The following PRKN variants were observed in gnomAD, a reference collection of about 807,000 sequenced individuals.
PRKN encodes the protein E3 ubiquitin-protein ligase parkin.
A neutral mutation model predicts 59.5 loss-of-function variants in PRKN; 56 were observed. That is an observed-to-expected ratio of 0.94 (90% CI 0.76 to 1.18). PRKN has a LOEUF of 1.18. Ranked by LOEUF, PRKN falls within the 50% of genes most tolerant of loss-of-function variation. PRKN has a pLI of 0.00. For missense variants in PRKN, 657 were observed against 596.4 expected (o/e 1.10, Z -1.06); for synonymous variants, 250 against 222.1 (o/e 1.13, Z -1.12).
intron 2 of PRKN, among the ~76,000 whole-genome samples, chr6:162,263,667 C>A (rs1438006891): frequency 6.6e-6 from 1 of 152,194 alleles, no homozygotes; most frequent in African/African-American, 2.4e-5. Context: ...ATATCTACTA[C>A]ATAGGGCCGG....
intron 7 of PRKN, among the ~76,000 whole-genome samples, chr6:161,569,666 C>G (rs1241233545): frequency 6.6e-6 from 1 of 152,184 alleles, no homozygotes; most frequent in Non-Finnish European, 1.5e-5. Context: ...CTTTCTCTCC[C>G]CTCTGATTAT....
rs1784659273 is a variant in PRKN at position 161,353,978 on chromosome 6, A to G, written c.1286-3767T>C. On this transcript the variant is annotated intron_variant, in intron 11 of 11. Transcript: ENST00000366898. This position sits in a 1 kb window ranked among gnomAD's most constrained non-coding sequence, Gnocchi z 4.8. ...CTGACTGTTGTTATTGAATGAGAGA[A>G]TAGAAGAAGCATGTTGTTTGTTCTA... Among the ~76,000 whole-genome samples, 1 of 152,220 alleles carries G rather than the reference A, an allele frequency of 6.6e-6. No individual in the cohort carries two copies. The highest frequency in any genetic ancestry group is 2.4e-5 in the African/African-American group (1 of 41,460).
chr6:162,313,639 C>A (rs774198220), intron 2 of PRKN, among the ~76,000 whole-genome samples: 1 of 152,216 alleles, frequency 6.6e-6, no homozygotes, highest in African/African-American at 2.4e-5. Flanking sequence ...AGGCGCGTAC[C>A]ATCATGCCCG....
chr6:162,578,668 T>C (rs997632506), intron 1 of PRKN, among the ~76,000 whole-genome samples: 4 of 152,218 alleles, frequency 2.6e-5, no homozygotes, highest in African/African-American at 7.2e-5. Flanking sequence ...TTTCAAATGG[T>C]TTCAATACAA....
At chr6:161,808,825 G>A (rs1791442785) in intron 6 of PRKN, among the ~76,000 whole-genome samples, 1 of 151,840 alleles carries the variant, frequency 6.6e-6, no homozygotes, top group Admixed American at 6.6e-5. Context: ...GTCATATTCT[G>A]GTATTTTGTT....
chr6:161,723,736 G>T (rs1173642511), intron 7 of PRKN, among the ~76,000 whole-genome samples: 1 of 152,176 alleles, frequency 6.6e-6, no homozygotes, highest in Non-Finnish European at 1.5e-5. Flanking sequence ...AGAAAGTGGA[G>T]CCACAGATCT....
chr6:161,452,981 C>A (rs1789807030), intron 9 of PRKN, among the ~76,000 whole-genome samples: 1 of 152,086 alleles, frequency 6.6e-6, no homozygotes, highest in African/African-American at 2.4e-5. Flanking sequence ...ATCTCAAGGT[C>A]ACGTCAGGCT....
intron 4 of PRKN, among the ~76,000 whole-genome samples, chr6:162,115,287 T>C (rs1023616666): frequency 3.3e-5 from 5 of 151,086 alleles, no homozygotes; most frequent in Non-Finnish European, 5.9e-5. Flanking sequence ...TAGGTGGGAA[T>C]TGAATAATGA....
chr6:161,364,662 G>A (rs993878542), intron 10 of PRKN, among the ~76,000 whole-genome samples: 28 of 151,788 alleles, frequency 1.8e-4, no homozygotes, highest in African/African-American at 5.8e-4. Flanking sequence ...AAAAATCCAA[G>A]TAGGCTGTGT....
intron 5 of PRKN, among the ~76,000 whole-genome samples, chr6:162,047,826 A>T (rs1215289776): frequency 1.3e-5 from 2 of 152,178 alleles, no homozygotes; most frequent in African/African-American, 4.8e-5. Flanking sequence ...AACAACATGA[A>T]ATCAGAGGTG....
chr6:162,701,824 CACAT>C lies in PRKN; in HGVS notation c.7+25834_7+25837del, dbSNP rs1778161773. On this transcript the variant is annotated intron_variant, in intron 1 of 11. Transcript: ENST00000366898. ...TCCAATAGGAACACACACACACATT[CACAT>C]ACATACACACACACACACACACTCA... Among the ~76,000 whole-genome samples, 5 of 74,970 alleles carry C rather than the reference CACAT, an allele frequency of 6.7e-5. No homozygotes were observed. In the South Asian group the frequency reaches 1.6e-3, roughly 24 times the overall value. The allele number at this position is 74,970 out of a possible 152,430, so 49.2% of individuals were successfully genotyped here.
intron 6 of PRKN, among the ~76,000 whole-genome samples, chr6:161,958,382 G>C (rs1026647495): frequency 1.3e-5 from 2 of 152,042 alleles, no homozygotes; most frequent in Non-Finnish European, 2.9e-5. Context: ...TTTTCTTTAA[G>C]ATACATTTTG....
intron 1 of PRKN, among the ~76,000 whole-genome samples, chr6:162,678,185 T>G (rs1779624080): frequency 6.6e-6 from 1 of 152,254 alleles, no homozygotes; most frequent in Non-Finnish European, 1.5e-5. Context: ...TACACCAATT[T>G]GTATAACCAT....
chr6:161,474,176 C>T (rs1365561117), intron 9 of PRKN, among the ~76,000 whole-genome samples: 1 of 152,142 alleles, frequency 6.6e-6, no homozygotes, highest in Non-Finnish European at 1.5e-5. Context: ...TTACTAGTAC[C>T]ATGTACAAGT....
Position 161,445,414 on chromosome 6 carries a change from A to G in PRKN, c.1084-58537T>C, listed in dbSNP as rs1789439212. Reference sequence around the variant, plus strand: ...TCAAGCAGCGTAGATTGATCAGAGGAGCTGAGAGCTGAGGCCCACCCTCCC... The same window carrying G: ...TCAAGCAGCGTAGATTGATCAGAGGGGCTGAGAGCTGAGGCCCACCCTCCC... On this transcript the variant is annotated intron_variant, in intron 9 of 11. Transcript: ENST00000366898. This position sits in a 1 kb window ranked among gnomAD's most constrained non-coding sequence, Gnocchi z 7.7. Among the ~76,000 whole-genome samples, 1 of 151,964 alleles carries G rather than the reference A, an allele frequency of 6.6e-6. No homozygotes were observed. Among genetic ancestry groups the G allele is most frequent in the African/African-American group, 2.4e-5 (1 of 41,346 alleles).
intron 1 of PRKN, among the ~76,000 whole-genome samples, chr6:162,533,711 C>T (rs997248391): frequency 6.6e-6 from 1 of 152,024 alleles, no homozygotes; most frequent in African/African-American, 2.4e-5. Context: ...GAGCACACAC[C>T]TGTAATCCCA....
chr6:161,744,563 G>A (rs1051288763), intron 7 of PRKN, among the ~76,000 whole-genome samples: 11 of 152,200 alleles, frequency 7.2e-5, no homozygotes, highest in African/African-American at 2.6e-4. Flanking sequence ...TAATGAATTA[G>A]GAATAACATT....
chr6:161,641,051 C>G (rs376076081), intron 7 of PRKN, among the ~76,000 whole-genome samples: 10 of 152,174 alleles, frequency 6.6e-5, no homozygotes, highest in African/African-American at 2.4e-4. Context: ...CATCTTCCTT[C>G]TCATCTCCAA....
At chr6:161,585,116 T>C (rs1245450232) in intron 7 of PRKN, among the ~76,000 whole-genome samples, 2 of 152,172 alleles carry the variant, frequency 1.3e-5, no homozygotes, top group Non-Finnish European at 2.9e-5. Flanking sequence ...CAGCGTTCCT[T>C]TTCTAGGGAG....
Sources: allele counts gnomAD v4.1 joint callset (sites outside exome capture counted in the v4.1 genomes callset), GRCh38; gene constraint gnomAD v4.1.1; non-coding constraint Gnocchi (gnomAD v3.1); transcripts MANE v1.5; gene names NCBI Gene and HGNC (gene_info 2026-07-23, HGNC 2026-07-21).